The following NXN variants were observed in gnomAD, a reference collection of about 807,000 sequenced individuals.
NXN encodes the protein nucleoredoxin.
NXN carries 16 observed loss-of-function variants against 48.6 expected under a neutral mutation model. That is an observed-to-expected ratio of 0.33 (90% CI 0.22 to 0.50). The LOEUF (loss-of-function observed/expected upper bound fraction) is 0.50, where lower values mean the gene tolerates loss of function less well. Among genes scored for constraint, NXN ranks in the 20% least tolerant of loss-of-function variants. The pLI is 0.98. For synonymous variants in NXN, 281 were observed against 269.6 expected, an observed-to-expected ratio of 1.04 and a Z score of -0.41; for missense variants, 492 against 605.5, an observed-to-expected ratio of 0.81 and a Z score of 1.97.
At chr17:873,935 G>C (rs55961053) in intron 1 of NXN, among the ~76,000 whole-genome samples, 17,565 of 152,104 alleles carry the variant, frequency 0.12, 1,148 homozygotes, top group African/African-American at 0.19. Context: ...GCTCAAGACA[G>C]AATCATGGTC....
intron 1 of NXN, among the ~76,000 whole-genome samples, chr17:872,443 A>G (rs924224366): frequency 6.6e-6 from 1 of 151,982 alleles, no homozygotes; most frequent in Non-Finnish European, 1.5e-5. Context: ...AAAGACAAGG[A>G]GAGAAAGAGA....
intron 1 of NXN, among the ~76,000 whole-genome samples, chr17:848,532 G>C (rs1453197326): frequency 1.3e-5 from 2 of 152,204 alleles, no homozygotes; most frequent in Non-Finnish European, 2.9e-5. Context: ...TGGTCATTAA[G>C]AAAAAATAAA....
rs368932226 is a variant in NXN at position 895,727 on chromosome 17, G to A, written c.361-69649C>T. On this transcript the variant is annotated intron_variant, in intron 1 of 7. Coordinates refer to ENST00000336868, the MANE Select transcript of NXN (RefSeq NM_022463.5). ...CAGCTACTCGGGAGGCTGAGGCAGG[G>A]GAATGGCGTGAACCTGAGAGGCGGA... Among the ~76,000 whole-genome samples the A allele has an allele frequency of 1.1e-3, 162 of 149,524 alleles. 1 individual carries two copies. Among genetic ancestry groups the A allele is most frequent in the Middle Eastern group, 0.011 (3 of 282 alleles).
At chr17:950,232 G>A (rs1021137914) in intron 1 of NXN, among the ~76,000 whole-genome samples, 3 of 152,052 alleles carry the variant, frequency 2.0e-5, no homozygotes, top group Non-Finnish European at 4.4e-5. Context: ...GTGCCTGTTC[G>A]CCCCTTTCCC....
At chr17:838,126 CTTTTTTTTTTTT>C (rs66721481) in intron 1 of NXN, among the ~76,000 whole-genome samples, 4 of 99,190 alleles carry the variant, frequency 4.0e-5, no homozygotes, top group African/African-American at 1.7e-4. Flanking sequence ...TCCTTTCCTT[CTTTTTTTTTTTT>C]TTTTTTTTTT....
At chr17:939,120 T>C (rs2068941329) in intron 1 of NXN, among the ~76,000 whole-genome samples, 1 of 152,074 alleles carries the variant, frequency 6.6e-6, no homozygotes, top group Non-Finnish European at 1.5e-5. Flanking sequence ...AACAGAATCT[T>C]TGACCTAGCA....
chr17:840,998 G>A (rs1224799394), intron 1 of NXN, among the ~76,000 whole-genome samples: 1 of 152,194 alleles, frequency 6.6e-6, no homozygotes, highest in South Asian at 2.1e-4. Context: ...TAGGGTGAGA[G>A]TGCCGGCACA....
Position 800,922 on chromosome 17 carries a change from A to G in NXN, c.*27T>C. On this transcript the variant is annotated 3_prime_UTR_variant, in exon 8 of 8. Transcript: ENST00000336868. ...GGAGGAGGAGAAGGCTGAGTTTTAA[A>G]TAACGTCTCAGGAGGCCGGAGCCAC... 7.2e-7 allele frequency: 1 copy of G among 1,395,528 alleles called. No homozygotes were observed. Among genetic ancestry groups the G allele is most frequent in the Middle Eastern group, 2.1e-4 (1 of 4,848 alleles). The allele number at this position is 1,395,528 out of a possible 1,614,324, so 86.4% of individuals were successfully genotyped here.
At chr17:855,441 T>C (rs2144762192) in intron 1 of NXN, among the ~76,000 whole-genome samples, 1 of 152,326 alleles carries the variant, frequency 6.6e-6, no homozygotes, top group South Asian at 2.1e-4. Context: ...GATATCTTCT[T>C]TGCGGCTAGT....
intron 5 of NXN, among the ~76,000 whole-genome samples, chr17:812,890 A>ATGTAGGTGTGTGCATGTGTGAC (rs1912220444): frequency 2.4e-5 from 3 of 123,338 alleles, no homozygotes; most frequent in Non-Finnish European, 5.0e-5. Context: ...GCACATGTGA[A>ATGTAGGTGTGTGCATGTGTGAC]TGTAGGTGTG....
At chr17:804,880 C>T (rs1177442365) in intron 6 of NXN, among the ~76,000 whole-genome samples, 188 bp downstream of exon 6, 1 of 152,180 alleles carries the variant, frequency 6.6e-6, no homozygotes, top group African/African-American at 2.4e-5. Context: ...AGTGCAGCTG[C>T]AGCTCCCACA....
Position 841,584 on chromosome 17 carries a change from GCC to G in NXN, c.361-15508_361-15507del, listed in dbSNP as rs1914281902. ...CCCCCCTGACCACGGAGCATCTCAC[GCC>G]GGCGAGCAGGTCCCCCCGACCACAG... is the stretch of plus-strand genomic sequence containing the variant. On this transcript the variant is annotated intron_variant, in intron 1 of 7. Transcript: ENST00000336868. 2.6e-4 allele frequency among the ~76,000 whole-genome samples: 3 copies of G among 11,368 alleles called. 1 individual carries two copies. The highest frequency in any genetic ancestry group is 4.3e-3 in the East Asian group (1 of 230). The allele number at this position is 11,368 out of a possible 152,430, so 7.5% of individuals were successfully genotyped here. A position where few individuals can be genotyped will look rare whatever the true frequency, so the allele number is the denominator to read the frequency against.
intron 1 of NXN, among the ~76,000 whole-genome samples, chr17:926,232 C>T (rs2068797004): frequency 6.6e-6 from 1 of 152,184 alleles, no homozygotes; most frequent in African/African-American, 2.4e-5. Flanking sequence ...GTCACCCAGG[C>T]CGTAGTGCAG....
intron 1 of NXN, among the ~76,000 whole-genome samples, chr17:973,477 G>C (rs1253224537): frequency 6.6e-6 from 1 of 152,150 alleles, no homozygotes; most frequent in Non-Finnish European, 1.5e-5. Flanking sequence ...AGTTACAAGG[G>C]TGACTGAAAG....
intron 1 of NXN, among the ~76,000 whole-genome samples, chr17:947,515 T>C (rs894316059): frequency 1.3e-5 from 2 of 151,530 alleles, no homozygotes; most frequent in Non-Finnish European, 2.9e-5. Flanking sequence ...GGCGGATCAC[T>C]TGAGGCCAGG....
At chr17:914,018 G>T (rs1301973567) in intron 1 of NXN, among the ~76,000 whole-genome samples, 2 of 152,110 alleles carry the variant, frequency 1.3e-5, no homozygotes, top group Non-Finnish European at 2.9e-5. Flanking sequence ...TCCAGCCTCA[G>T]CCTCCCGGGT....
chr17:899,437 A>G (rs2068517358), intron 1 of NXN, among the ~76,000 whole-genome samples: 1 of 152,148 alleles, frequency 6.6e-6, no homozygotes, highest in East Asian at 1.9e-4. Flanking sequence ...TATTCTCGTG[A>G]GGGAGGACGA....
intron 6 of NXN, 77 bp from the exon 7 acceptor site, chr17:803,883 G>A (rs1911340489): frequency 1.3e-6 from 2 of 1,584,346 alleles, no homozygotes; most frequent in Non-Finnish European, 1.7e-6. Flanking sequence ...CCCGCCGAGG[G>A]GGCCTGAGCT....
intron 1 of NXN, among the ~76,000 whole-genome samples, chr17:843,678 G>A (rs974981165): frequency 5.3e-5 from 8 of 152,194 alleles, no homozygotes; most frequent in Admixed American, 6.6e-5. Context: ...TTCTAGTGGG[G>A]GATAGGGTTT....
Sources: allele counts gnomAD v4.1 joint callset (sites outside exome capture counted in the v4.1 genomes callset), GRCh38; gene constraint gnomAD v4.1.1; transcripts MANE v1.5; gene names NCBI Gene and HGNC (gene_info 2026-07-23, HGNC 2026-07-21).